Variants in TSPAN3 observed in about 807,000 individuals in gnomAD.
The protein encoded by TSPAN3 is tetraspanin 3.
A neutral mutation model predicts 31.1 loss-of-function variants in TSPAN3; 9 were observed. The ratio of observed to expected loss-of-function variants is 0.29; its 90% CI spans 0.17 to 0.50. TSPAN3 has a LOEUF of 0.50. Ranked by LOEUF, TSPAN3 falls within the 20% of genes least tolerant of loss-of-function variation. The probability of loss-of-function intolerance (pLI) is 0.98; values close to 1 mark genes in which losing one functional copy is unlikely to be tolerated. For synonymous variants in TSPAN3, 129 were observed against 114.3 expected (o/e 1.13, Z -0.82); for missense variants, 252 against 313.5 (o/e 0.80, Z 1.48).
Position 77,052,389 on chromosome 15 carries a change from A to T in TSPAN3, c.665T>A (p.Ile222Asn), listed in dbSNP as rs2152695656. The T allele has an allele frequency of 6.2e-7, 1 of 1,614,204 alleles. No individual in the cohort carries two copies. The highest frequency in any genetic ancestry group is 1.1e-5 in the South Asian group (1 of 91,082). Residue 222 changes from isoleucine (I) to asparagine (N), a missense_variant, in exon 6 of 7, where the codon ATT becomes AAT. By Grantham distance (149) the Ile-to-Asn change is moderately radical. Coordinates refer to ENST00000267970, the MANE Select transcript of TSPAN3 (RefSeq NM_005724.6). ...VIWAALAFAA[I>N]QLLGMLCACI... ...TCCTTGGCAAGCTGTGCTTACCTGAATAGCTGCAAATGCCAGTGCGGCCCA... is the reference window on the plus strand; with the variant it reads ...TCCTTGGCAAGCTGTGCTTACCTGATTAGCTGCAAATGCCAGTGCGGCCCA...
intron 1 of TSPAN3, chr15:77,064,399 C>T (rs2076818993): frequency 6.6e-6 from 1 of 151,968 alleles, no homozygotes; most frequent in African/African-American, 2.4e-5. Flanking sequence ...CCCGTCTGGT[C>T]TAAGTACAAA....
chr15:77,059,038 G>T (rs928912351), intron 1 of TSPAN3, among the ~76,000 whole-genome samples: 1 of 152,160 alleles, frequency 6.6e-6, no homozygotes, highest in Non-Finnish European at 1.5e-5. Context: ...ACAAAAGTGG[G>T]GGGGAGTGGA....
In TSPAN3 at chr15:77,052,369, G is replaced by A. The variant is rs2152695631; in HGVS notation, c.669+16C>T. ...CCAACTCACTCCGATAGAACTCCTT[G>A]GCAAGCTGTGCTTACCTGAATAGCT... On this transcript the variant is annotated intron_variant, in intron 6 of 6. Coordinates refer to ENST00000267970, the MANE Select transcript of TSPAN3 (RefSeq NM_005724.6). The A allele has an allele frequency of 6.2e-7, 1 of 1,612,898 alleles. No homozygotes were observed. The highest frequency in any genetic ancestry group is 8.5e-7 in the Non-Finnish European group (1 of 1,178,880).
At chr15:77,063,152 C>A (rs2076810214) in intron 1 of TSPAN3, among the ~76,000 whole-genome samples, 2 of 152,270 alleles carry the variant, frequency 1.3e-5, no homozygotes, top group East Asian at 3.9e-4. Context: ...ATATTTTAGG[C>A]ACCTCTGCCA....
chr15:77,060,050 C>T (rs1049267481), intron 1 of TSPAN3, among the ~76,000 whole-genome samples: 31 of 152,300 alleles, frequency 2.0e-4, no homozygotes, highest in African/African-American at 5.5e-4. Flanking sequence ...TGGGGAGATG[C>T]CATTTGTAAA....
intron 6 of TSPAN3, among the ~76,000 whole-genome samples, chr15:77,049,643 T>A (rs2076716762): frequency 6.6e-6 from 1 of 152,198 alleles, no homozygotes; most frequent in Admixed American, 6.5e-5. Flanking sequence ...TATTCAAAAG[T>A]CCTGTTATTA....
chr15:77,058,149 C>A (rs1474783119), intron 1 of TSPAN3, among the ~76,000 whole-genome samples: 1 of 152,178 alleles, frequency 6.6e-6, no homozygotes, highest in East Asian at 1.9e-4. Flanking sequence ...CTAAATCTTA[C>A]TTATTGACTC....
chr15:77,063,085 A>C (rs1291428064), intron 1 of TSPAN3, among the ~76,000 whole-genome samples: 1 of 152,188 alleles, frequency 6.6e-6, no homozygotes, highest in African/African-American at 2.4e-5. Context: ...CTCACCAATG[A>C]ATTCATTCCT....
chr15:77,050,569 T>C (rs1427148213), intron 6 of TSPAN3, among the ~76,000 whole-genome samples: 8 of 152,268 alleles, frequency 5.3e-5, no homozygotes, highest in Non-Finnish European at 1.2e-4. Context: ...CAGTCTTCTA[T>C]ATACATGTTG....
At chr15:77,068,705 G>T (rs1161334107) in intron 1 of TSPAN3, among the ~76,000 whole-genome samples, 1 of 152,098 alleles carries the variant, frequency 6.6e-6, no homozygotes, top group Non-Finnish European at 1.5e-5. Flanking sequence ...TCTTAAAAAA[G>T]ATAAATAAAA....
rs867653823 is a variant in TSPAN3 at position 77,056,058 on chromosome 15, T to C, written c.255+6A>G. ...TACTCCTGCATGTTCTCACAACACATCTTACCGTGGCAAGTCCACAGCGAC... is the reference window on the plus strand; with the variant it reads ...TACTCCTGCATGTTCTCACAACACACCTTACCGTGGCAAGTCCACAGCGAC... On this transcript the variant is annotated splice_donor_region_variant and intron_variant, in intron 2 of 6. Coordinates refer to ENST00000267970, the MANE Select transcript of TSPAN3 (RefSeq NM_005724.6). The C allele has an allele frequency of 1.3e-6, 2 of 1,600,006 alleles. No individual in the cohort carries two copies. Among genetic ancestry groups the C allele is most frequent in the Middle Eastern group, 1.9e-4 (1 of 5,180 alleles).
At chr15:77,053,834 T>C (rs1341816760) in intron 4 of TSPAN3, among the ~76,000 whole-genome samples, 3 of 152,160 alleles carry the variant, frequency 2.0e-5, no homozygotes, top group Non-Finnish European at 2.9e-5. Flanking sequence ...TAAAGGTATA[T>C]ATAGACCTCC....
intron 6 of TSPAN3, 107 bp downstream of exon 6, chr15:77,052,278 A>G (rs2076736860): frequency 1.0e-6 from 1 of 954,396 alleles, no homozygotes; most frequent in East Asian, 2.5e-5. Context: ...TCACTTCCAC[A>G]TTACCTACAT....
chr15:77,065,696 C>T (rs867275624), intron 1 of TSPAN3, among the ~76,000 whole-genome samples: 3 of 152,134 alleles, frequency 2.0e-5, no homozygotes, highest in South Asian at 2.1e-4. Context: ...CATGAGCCAC[C>T]GCACCTGGCT....
intron 1 of TSPAN3, 73 bp downstream of exon 1, chr15:77,070,818 GC>G (rs2076864334): frequency 5.4e-6 from 5 of 927,998 alleles, no homozygotes; most frequent in Middle Eastern, 5.1e-4. Context: ...CCCAAGCCCG[GC>G]CCCCACGGGC....
chr15:77,048,593 CCATTAACTATTACAGGCT>C, intron 6 of TSPAN3, among the ~76,000 whole-genome samples: 1 of 152,266 alleles, frequency 6.6e-6, no homozygotes, highest in African/African-American at 2.4e-5. Flanking sequence ...CTTATCCTCA[CCATTAACTATTACAGGCT>C]CATTTCCAAA....
chr15:77,047,197 G>A (rs989738456), intron 6 of TSPAN3, among the ~76,000 whole-genome samples: 1 of 152,192 alleles, frequency 6.6e-6, no homozygotes, highest in South Asian at 2.1e-4. Context: ...CTAGTCTAGC[G>A]AGTGCTGTCC....
At chr15:77,066,002 C>T (rs2076830598) in intron 1 of TSPAN3, among the ~76,000 whole-genome samples, 1 of 151,836 alleles carries the variant, frequency 6.6e-6, no homozygotes, top group African/African-American at 2.4e-5. Context: ...TGTTCCAGTC[C>T]CTGTAATGCC....
chr15:77,064,391 C>T (rs1368288963), intron 1 of TSPAN3: 1 of 152,008 alleles, frequency 6.6e-6, no homozygotes, highest in Non-Finnish European at 1.5e-5. Flanking sequence ...TTAGTACACC[C>T]GTCTGGTCTA....
Sources: gnomAD v4.1 joint callset for allele counts (sites outside exome capture counted in the v4.1 genomes callset) on GRCh38, gnomAD v4.1.1 for gene constraint, MANE v1.5 for transcripts, NCBI Gene and HGNC (gene_info 2026-07-23, HGNC 2026-07-21) for gene names.